GALNT13: variants seen among roughly 807,000 people sequenced by gnomAD.
GALNT13 encodes polypeptide N-acetylgalactosaminyltransferase 13, also known as UDP-GalNAc:polypeptide N-acetylgalactosaminyltransferase 13.
GALNT13 carries 28 observed loss-of-function variants against 64.2 expected under a neutral mutation model. That is an observed-to-expected ratio of 0.44 (90% CI 0.32 to 0.60). The LOEUF is 0.60. GALNT13 is among the 20% of genes least tolerant of loss of function. The pLI, the probability that GALNT13 is intolerant of heterozygous loss-of-function variation, is 0.05. For missense variants in GALNT13, 577 were observed against 669.8 expected, an observed-to-expected ratio of 0.86 and a Z score of 1.53; for synonymous variants, 214 against 224.6, an observed-to-expected ratio of 0.95 and a Z score of 0.42.
At chr2:153,111,406 A>G in the GALNT13 span, among the ~76,000 whole-genome samples, 1 of 152,122 alleles carries the variant, frequency 6.6e-6, no homozygotes, top group Non-Finnish European at 1.5e-5. Flanking sequence ...CATTCTGGAT[A>G]AGGTATTGTA....
At chr2:154,141,800 A>C (rs2105583987) in intron 4 of GALNT13, among the ~76,000 whole-genome samples, 1 of 152,348 alleles carries the variant, frequency 6.6e-6, no homozygotes, top group South Asian at 2.1e-4. Context: ...GTTTATAATT[A>C]GAATGCTTAA....
chr2:154,404,280 A>C (rs1259023481), intron 10 of GALNT13, among the ~76,000 whole-genome samples: 1 of 152,146 alleles, frequency 6.6e-6, no homozygotes, highest in Non-Finnish European at 1.5e-5. Context: ...AGATAAGTCT[A>C]TTCTGGAATT....
chr2:153,486,627 C>T, the GALNT13 span, among the ~76,000 whole-genome samples: 3 of 152,074 alleles, frequency 2.0e-5, no homozygotes, highest in South Asian at 2.1e-4. Context: ...TCTTTAATGT[C>T]GTTGAAATAA....
the GALNT13 span, among the ~76,000 whole-genome samples, chr2:153,457,203 A>C: frequency 1.3e-5 from 2 of 152,216 alleles, no homozygotes; most frequent in African/African-American, 2.4e-5. Context: ...TGTTAGAATA[A>C]ATAAGCAATT....
At chr2:153,844,059 T>C in the GALNT13 span, among the ~76,000 whole-genome samples, 1 of 152,150 alleles carries the variant, frequency 6.6e-6, no homozygotes, top group African/African-American at 2.4e-5. Flanking sequence ...TTCTAATGTC[T>C]GGATGGTAGC....
the GALNT13 span, among the ~76,000 whole-genome samples, chr2:153,856,591 T>C: frequency 6.6e-6 from 1 of 152,164 alleles, no homozygotes; most frequent in African/African-American, 2.4e-5. Context: ...AAATCCGAAC[T>C]GAATGCATAA....
intron 9 of GALNT13, among the ~76,000 whole-genome samples, chr2:154,355,347 C>A (rs1236554928): frequency 6.6e-6 from 1 of 152,086 alleles, no homozygotes; most frequent in Non-Finnish European, 1.5e-5. Flanking sequence ...ATTTGGATAT[C>A]TTTGACCTAC....
the GALNT13 span, among the ~76,000 whole-genome samples, chr2:153,864,621 C>T: frequency 6.6e-6 from 1 of 152,092 alleles, no homozygotes; most frequent in Non-Finnish European, 1.5e-5. Flanking sequence ...TGAAGGACCT[C>T]TTCAAGAACT....
chr2:154,161,662 G>T (rs1684728942), intron 4 of GALNT13, among the ~76,000 whole-genome samples: 1 of 152,162 alleles, frequency 6.6e-6, no homozygotes, highest in African/African-American at 2.4e-5. Context: ...TTATTTAAAT[G>T]ATGTGACAAC....
At chr2:153,739,935 C>T in the GALNT13 span, among the ~76,000 whole-genome samples, 2 of 151,730 alleles carry the variant, frequency 1.3e-5, no homozygotes, top group Non-Finnish European at 3.0e-5. Flanking sequence ...TAATAGAACT[C>T]ACCAATGAGA....
intron 3 of GALNT13, among the ~76,000 whole-genome samples, chr2:154,082,527 G>A (rs1701322527): frequency 6.6e-6 from 1 of 151,672 alleles, no homozygotes; most frequent in Non-Finnish European, 1.5e-5. Context: ...ATTATGAAAT[G>A]TAACTGTTTC....
chr2:153,096,867 G>A, the GALNT13 span, among the ~76,000 whole-genome samples: 13 of 152,044 alleles, frequency 8.6e-5, no homozygotes, highest in African/African-American at 3.1e-4. Flanking sequence ...TACATTCAAT[G>A]TTATTATTGA....
the GALNT13 span, among the ~76,000 whole-genome samples, chr2:153,494,247 C>A: frequency 6.6e-6 from 1 of 151,874 alleles, no homozygotes; most frequent in African/African-American, 2.4e-5. Context: ...AACACAATTC[C>A]AATCCAAATT....
chr2:153,536,588 T>C, the GALNT13 span, among the ~76,000 whole-genome samples: 5 of 152,230 alleles, frequency 3.3e-5, no homozygotes, highest in Admixed American at 6.5e-5. Flanking sequence ...AACAGGTATA[T>C]GCTTATCATT....
At chr2:153,869,323 T>C (rs1685812377), upstream of GALNT13, among the ~76,000 whole-genome samples, 1 of 152,172 alleles carries the variant, frequency 6.6e-6, no homozygotes, top group Admixed American at 6.5e-5. Context: ...ATGCTCTTTA[T>C]ATTAATAGAT....
chr2:153,266,596 A>AG, the GALNT13 span, among the ~76,000 whole-genome samples: 3 of 151,920 alleles, frequency 2.0e-5, no homozygotes, highest in Non-Finnish European at 2.9e-5. Flanking sequence ...GCTCGAGTGC[A>AG]GGGGGAAAAG....
intron 3 of GALNT13, among the ~76,000 whole-genome samples, chr2:154,013,318 G>A (rs1696771183): frequency 1.7e-5 from 1 of 59,626 alleles, no homozygotes; most frequent in Non-Finnish European, 3.6e-5. Context: ...AGGGGGCCGG[G>A]AAGCCCCAGC....
At chr2:153,544,186 T>C in the GALNT13 span, among the ~76,000 whole-genome samples, 7 of 152,230 alleles carry the variant, frequency 4.6e-5, no homozygotes, top group Non-Finnish European at 7.3e-5. Flanking sequence ...CAAATAAGTT[T>C]TGGCATAGTA....
the GALNT13 span, among the ~76,000 whole-genome samples, chr2:153,645,511 A>G: frequency 6.6e-6 from 1 of 152,116 alleles, no homozygotes; most frequent in Non-Finnish European, 1.5e-5. Context: ...TGGCTTAGAG[A>G]AAAATTAAAA....
Sources: gnomAD v4.1 joint callset for allele counts (sites outside exome capture counted in the v4.1 genomes callset) on GRCh38, gnomAD v4.1.1 for gene constraint, MANE v1.5 for transcripts, NCBI Gene and HGNC (gene_info 2026-07-23, HGNC 2026-07-21) for gene names.